SGCZ: variants seen among roughly 807,000 people sequenced by gnomAD.
SGCZ encodes sarcoglycan zeta, also known as zeta-sarcoglycan.
Under a neutral mutation model 41.3 loss-of-function variants are expected in SGCZ, and 40 were observed. The observed-to-expected ratio is 0.97, with a 90% CI of 0.75 to 1.26. SGCZ has a LOEUF of 1.26. Ranked by LOEUF, SGCZ falls within the 50% of genes most tolerant of loss-of-function variation. The pLI is 0.00. For missense variants in SGCZ, 552 were observed against 369.8 expected, an observed-to-expected ratio of 1.49 and a Z score of -4.04; for synonymous variants, 206 against 137.5, an observed-to-expected ratio of 1.50 and a Z score of -3.49.
chr8:14,363,168 A>G (rs899818696), intron 2 of SGCZ, among the ~76,000 whole-genome samples: 2 of 152,186 alleles, frequency 1.3e-5, no homozygotes, highest in Admixed American at 1.3e-4. Context: ...AGACATTCTG[A>G]AAAAAGCAAT....
At chr8:15,183,037 A>G (rs930195733) in intron 1 of SGCZ, among the ~76,000 whole-genome samples, 5 of 152,302 alleles carry the variant, frequency 3.3e-5, no homozygotes, top group Admixed American at 1.3e-4. Flanking sequence ...CATCCCCCGC[A>G]TCTTGTCCCA....
chr8:14,539,926 C>A (rs1234616005), intron 2 of SGCZ, among the ~76,000 whole-genome samples: 1 of 151,746 alleles, frequency 6.6e-6, no homozygotes, highest in East Asian at 1.9e-4. Context: ...AGAGGTGGAC[C>A]AGTAGATGAG....
chr8:14,686,219 TCTTGG>T (rs1808605850), intron 1 of SGCZ, among the ~76,000 whole-genome samples: 1 of 152,146 alleles, frequency 6.6e-6, no homozygotes, highest in Admixed American at 6.6e-5. Flanking sequence ...TAATTTGGAA[TCTTGG>T]CTTCACCCTG....
chr8:14,915,908 AG>A (rs901197814), intron 1 of SGCZ, among the ~76,000 whole-genome samples: 2 of 152,190 alleles, frequency 1.3e-5, no homozygotes, highest in African/African-American at 4.8e-5. Flanking sequence ...TATATACTCC[AG>A]GCAAAGTAGC....
intron 2 of SGCZ, among the ~76,000 whole-genome samples, chr8:14,341,674 C>T (rs1445794514): frequency 1.3e-5 from 2 of 152,028 alleles, no homozygotes; most frequent in Admixed American, 6.6e-5. Context: ...TAGGAGGGAC[C>T]CAAGAGGAAG....
At chr8:14,193,746 T>C (rs1805179633) in intron 4 of SGCZ, among the ~76,000 whole-genome samples, 1 of 151,998 alleles carries the variant, frequency 6.6e-6, no homozygotes, top group Non-Finnish European at 1.5e-5. Flanking sequence ...CTTATCTAAC[T>C]TGTCTGAATG....
intron 1 of SGCZ, among the ~76,000 whole-genome samples, chr8:14,620,506 T>A (rs577089641): frequency 6.6e-6 from 1 of 151,974 alleles, no homozygotes; most frequent in African/African-American, 2.4e-5. Flanking sequence ...ACAGGCAACC[T>A]ACAGAATGGG....
At chr8:14,489,560 T>G (rs900813676) in intron 2 of SGCZ, among the ~76,000 whole-genome samples, 2 of 152,138 alleles carry the variant, frequency 1.3e-5, no homozygotes, top group East Asian at 1.9e-4. Context: ...ATGGTCTGGC[T>G]TTTTTAACCC....
chr8:14,267,497 G>C (rs899610326), intron 3 of SGCZ, among the ~76,000 whole-genome samples: 5 of 152,036 alleles, frequency 3.3e-5, no homozygotes, highest in Admixed American at 1.3e-4. Context: ...TTAGGCTATA[G>C]ACATCATTTT....
intron 1 of SGCZ, among the ~76,000 whole-genome samples, chr8:14,581,728 G>A (rs1804895754): frequency 6.6e-6 from 1 of 152,098 alleles, no homozygotes; most frequent in Non-Finnish European, 1.5e-5. Flanking sequence ...GTCAATTATG[G>A]CAGAGCTCTT....
chr8:15,171,432 A>C (rs1437485360), intron 1 of SGCZ, among the ~76,000 whole-genome samples: 1 of 152,144 alleles, frequency 6.6e-6, no homozygotes, highest in African/African-American at 2.4e-5. Context: ...AGGCACAGGA[A>C]ATAATATGTT....
chr8:14,621,712 ACACT>A (rs1220053296), intron 1 of SGCZ, among the ~76,000 whole-genome samples: 3 of 148,670 alleles, frequency 2.0e-5, no homozygotes, highest in African/African-American at 7.3e-5. Flanking sequence ...GATCTCTTAA[ACACT>A]CAGTCAGTAT....
rs146519049 is a variant in SGCZ at position 14,927,250 on chromosome 8, A to G, written c.39+310335T>C. Among the ~76,000 whole-genome samples the G allele has an allele frequency of 1.2e-3, 176 of 151,878 alleles. 2 individuals carry two copies. Among genetic ancestry groups the G allele is most frequent in the East Asian group, 5.3e-3 (27 of 5,084 alleles). On this transcript the variant is annotated intron_variant, in intron 1 of 7. Transcript: ENST00000382080. The stretch of plus-strand genomic sequence containing the variant: ...CACCCTCCGGAGCAGCTGGGACTAC[A>G]GGCGTCCGCCACCACGCCCGCCTAA...
At chr8:14,154,254 C>A (rs573752572) in intron 5 of SGCZ, among the ~76,000 whole-genome samples, 53 of 151,914 alleles carry the variant, frequency 3.5e-4, no homozygotes, top group Non-Finnish European at 5.3e-4. Flanking sequence ...CCTGTAGTCC[C>A]AGCTAGCAGG....
At chr8:14,887,330 A>C (rs1804847339) in intron 1 of SGCZ, among the ~76,000 whole-genome samples, 1 of 152,172 alleles carries the variant, frequency 6.6e-6, no homozygotes, top group African/African-American at 2.4e-5. Context: ...TCCAATATTC[A>C]TTGGATTAAC....
In SGCZ at chr8:14,401,838, T is replaced by C. The variant is rs369943026; in HGVS notation, c.235-77634A>G. Among the ~76,000 whole-genome samples, 221 of 150,954 alleles carry C rather than the reference T, an allele frequency of 1.5e-3. 1 individual carries two copies. The highest frequency in any genetic ancestry group is 6.8e-3 in the Middle Eastern group (2 of 294). ...TGGCTGGGTCAAATGGTATTTCTAG[T>C]TCTAGATCCCTGAGGAATCGCCACA... On this transcript the variant is annotated intron_variant, in intron 2 of 7. Transcript: ENST00000382080.
intron 1 of SGCZ, among the ~76,000 whole-genome samples, chr8:15,024,915 G>A (rs1366611584): frequency 1.3e-5 from 2 of 149,658 alleles, no homozygotes; most frequent in African/African-American, 2.5e-5. Flanking sequence ...CAGCCTGGGC[G>A]ACAGAGTGAG....
chr8:14,171,512 T>G (rs771985219), intron 4 of SGCZ, among the ~76,000 whole-genome samples: 1 of 152,062 alleles, frequency 6.6e-6, no homozygotes, highest in African/African-American at 2.4e-5. Context: ...AAGTTCCACA[T>G]GAAATTTCAA....
At chr8:14,394,594 C>T (rs1228481017) in intron 2 of SGCZ, among the ~76,000 whole-genome samples, 1 of 152,134 alleles carries the variant, frequency 6.6e-6, no homozygotes, top group African/African-American at 2.4e-5. Context: ...CTCATTCATG[C>T]ATTCATTCAG....
Sources: gnomAD v4.1 joint callset for allele counts (sites outside exome capture counted in the v4.1 genomes callset) on GRCh38, gnomAD v4.1.1 for gene constraint, MANE v1.5 for transcripts, NCBI Gene and HGNC (gene_info 2026-07-23, HGNC 2026-07-21) for gene names.